Variants in SYN2 observed in about 807,000 individuals in gnomAD.
SYN2 encodes synapsin-2.
A neutral mutation model predicts 50.9 loss-of-function variants in SYN2; 19 were observed. That is an observed-to-expected ratio of 0.37 (90% CI 0.26 to 0.55). The LOEUF is 0.55. Ranked by LOEUF, SYN2 falls within the 20% of genes least tolerant of loss-of-function variation. The pLI is 0.81. For missense variants in SYN2, 587 were observed against 576.4 expected (o/e 1.02, Z -0.19); for synonymous variants, 255 against 224.9 (o/e 1.13, Z -1.20).
intron 1 of SYN2, among the ~76,000 whole-genome samples, chr3:12,069,852 G>A (rs1399302168): frequency 6.6e-6 from 1 of 151,282 alleles, no homozygotes; most frequent in Non-Finnish European, 1.5e-5. Flanking sequence ...TGTCTCCCAG[G>A]ATGGAGTGTA....
intron 1 of SYN2, among the ~76,000 whole-genome samples, chr3:12,102,560 T>G (rs942508862): frequency 2.6e-5 from 4 of 152,170 alleles, no homozygotes; most frequent in Non-Finnish European, 5.9e-5. Flanking sequence ...CAACTAAAGC[T>G]GATCTTCATT....
intron 10 of SYN2, among the ~76,000 whole-genome samples, chr3:12,177,359 A>T (rs1031614613): frequency 2.6e-5 from 4 of 152,152 alleles, no homozygotes; most frequent in Non-Finnish European, 5.9e-5. Flanking sequence ...GTGTTAGTGT[A>T]TGTGTGGCCC....
intron 1 of SYN2, among the ~76,000 whole-genome samples, chr3:12,135,879 G>A (rs948573291): frequency 2.6e-5 from 4 of 152,178 alleles, no homozygotes; most frequent in African/African-American, 9.7e-5. Flanking sequence ...GAAATTTATG[G>A]ATATAATGAT....
intron 1 of SYN2, among the ~76,000 whole-genome samples, chr3:12,078,823 T>C (rs1418635610): frequency 2.0e-5 from 3 of 152,234 alleles, no homozygotes; most frequent in African/African-American, 4.8e-5. Flanking sequence ...TAAAATACTT[T>C]CTTCTAATTC....
chr3:12,042,404 T>C (rs992544718), intron 1 of SYN2, among the ~76,000 whole-genome samples: 2 of 152,214 alleles, frequency 1.3e-5, no homozygotes, highest in African/African-American at 4.8e-5. Flanking sequence ...TTCAGGTCTG[T>C]TAAAAATGCT....
chr3:12,131,591 T>C (rs2125209654), intron 1 of SYN2, among the ~76,000 whole-genome samples: 1 of 152,272 alleles, frequency 6.6e-6, no homozygotes, highest in Middle Eastern at 3.4e-3. Flanking sequence ...GTAGCTCCAC[T>C]ATAATTACAG....
intron 1 of SYN2, among the ~76,000 whole-genome samples, chr3:12,082,667 GCTCACTGAAAA>G (rs1369172684): frequency 1.3e-5 from 2 of 152,168 alleles, no homozygotes; most frequent in African/African-American, 4.8e-5. Flanking sequence ...TATATCCATT[GCTCACTGAAAA>G]CTCACTGTTA....
At chr3:12,145,260 G>C (rs994054346) in intron 3 of SYN2, among the ~76,000 whole-genome samples, 1 of 152,116 alleles carries the variant, frequency 6.6e-6, no homozygotes, top group Non-Finnish European at 1.5e-5. Flanking sequence ...AAATTAGCCA[G>C]GGGTCATGGC....
chr3:12,166,715 A>G (rs948817793), intron 7 of SYN2, among the ~76,000 whole-genome samples: 3 of 152,212 alleles, frequency 2.0e-5, no homozygotes, highest in Admixed American at 1.3e-4. Flanking sequence ...AGTAAAGAAG[A>G]TATTGGAAGA....
At chr3:12,032,989 G>GT (rs1159044077) in intron 1 of SYN2, among the ~76,000 whole-genome samples, 2 of 123,050 alleles carry the variant, frequency 1.6e-5, no homozygotes, top group East Asian at 4.7e-4. Context: ...TTTCTGTTCT[G>GT]TTTTTTCCCC....
At chr3:12,173,778 G>C (rs374136612) in intron 10 of SYN2, among the ~76,000 whole-genome samples, 1 of 152,154 alleles carries the variant, frequency 6.6e-6, no homozygotes, top group African/African-American at 2.4e-5. Context: ...GCTGGGCATG[G>C]TGGCAGGTGT....
chr3:12,054,774 T>G (rs922682755), intron 1 of SYN2, among the ~76,000 whole-genome samples: 3 of 152,028 alleles, frequency 2.0e-5, no homozygotes, highest in African/African-American at 7.2e-5. Flanking sequence ...CAGGAACATC[T>G]TTTCCAGGAG....
chr3:12,006,855 T>C (rs1336527597), intron 1 of SYN2, among the ~76,000 whole-genome samples: 1 of 152,190 alleles, frequency 6.6e-6, no homozygotes, highest in Non-Finnish European at 1.5e-5. Context: ...CCAGAGTTAT[T>C]GGAGAAAGCT....
At chr3:12,182,476 G>A (rs915244399) in intron 10 of SYN2, among the ~76,000 whole-genome samples, 4 of 152,192 alleles carry the variant, frequency 2.6e-5, no homozygotes, top group Admixed American at 1.3e-4. Flanking sequence ...CTTTAATCCC[G>A]TCAGGGCATA....
At chr3:12,085,366 C>T (rs1212467914) in intron 1 of SYN2, among the ~76,000 whole-genome samples, 2 of 146,280 alleles carry the variant, frequency 1.4e-5, no homozygotes, top group South Asian at 2.2e-4. Context: ...CACACACACA[C>T]ACACACACAC....
At chr3:12,085,206 C>G (rs1048302943) in intron 1 of SYN2, among the ~76,000 whole-genome samples, 1 of 151,180 alleles carries the variant, frequency 6.6e-6, no homozygotes, top group African/African-American at 2.4e-5. Context: ...ATATGCCATG[C>G]AAAGGAGCAG....
chr3:12,170,048 C>A, intron 10 of SYN2, 142 bp downstream of exon 10: 1 of 1,117,868 alleles, frequency 8.9e-7, no homozygotes, highest in Non-Finnish European at 1.2e-6. Context: ...CCTCTTCCTT[C>A]CCTTCCCTTT....
chr3:12,165,520 G>A (rs1319816288), intron 7 of SYN2: 4 of 152,218 alleles, frequency 2.6e-5, no homozygotes, highest in Non-Finnish European at 4.4e-5. Flanking sequence ...GGAATATCCT[G>A]ATAAACCAAG....
At chr3:12,010,169 A>T (rs578228816) in intron 1 of SYN2, among the ~76,000 whole-genome samples, 21 of 152,316 alleles carry the variant, frequency 1.4e-4, no homozygotes, top group Admixed American at 5.2e-4. Context: ...CAATCTAATA[A>T]AGTTAGTAGG....
Sources: allele counts gnomAD v4.1 joint callset (sites outside exome capture counted in the v4.1 genomes callset), GRCh38; gene constraint gnomAD v4.1.1; transcripts MANE v1.5; gene names NCBI Gene and HGNC (gene_info 2026-07-23, HGNC 2026-07-21).